KSR2: variants seen among roughly 807,000 people sequenced by gnomAD.
KSR2 encodes the protein kinase suppressor of ras 2.
Under a neutral mutation model 107.8 loss-of-function variants are expected in KSR2, and 25 were observed. The ratio of observed to expected loss-of-function variants is 0.23; its 90% CI spans 0.17 to 0.32. The LOEUF (loss-of-function observed/expected upper bound fraction) is 0.32, where lower values mean the gene tolerates loss of function less well. Ranked by LOEUF, KSR2 falls within the 10% of genes least tolerant of loss-of-function variation. The pLI, the probability that KSR2 is intolerant of heterozygous loss-of-function variation, is 1.00. For missense variants in KSR2, 887 were observed against 1,268.9 expected (o/e 0.70, Z 4.57); for synonymous variants, 480 against 507.0 (o/e 0.95, Z 0.71).
At chr12:117,789,051 G>A (rs956392712) in intron 3 of KSR2, among the ~76,000 whole-genome samples, 1 of 152,198 alleles carries the variant, frequency 6.6e-6, no homozygotes, top group Non-Finnish European at 1.5e-5. Flanking sequence ...AGTTCTCAGG[G>A]GTTGCTGTTG....
chr12:117,850,874 T>C (rs567594293), intron 3 of KSR2, among the ~76,000 whole-genome samples: 2 of 151,946 alleles, frequency 1.3e-5, no homozygotes, highest in African/African-American at 2.4e-5. Context: ...TTCCTGGGAA[T>C]TGAATAGTGA....
In KSR2 at chr12:117,469,538, G is replaced by A. The variant is rs1871315159; in HGVS notation, c.2846+124C>T. 20 of 1,170,128 alleles carry A rather than the reference G, an allele frequency of 1.7e-5. 1 individual carries two copies. The South Asian group carries it at 2.7e-4, about 16-fold the overall frequency. 72.5% of individuals were successfully genotyped at this position (1,170,128 alleles called of 1,614,324 possible). On this transcript the variant is annotated intron_variant, in intron 19 of 19. Coordinates refer to ENST00000339824, the MANE Select transcript of KSR2 (RefSeq NM_173598.6). The stretch of plus-strand genomic sequence containing the variant: ...AACCTAGTAGGGAAGAGTGGTTGCC[G>A]AAGGGTGGGCACATGGATAGGAGCT...
chr12:117,784,876 T>C (rs1416386894), intron 3 of KSR2, among the ~76,000 whole-genome samples: 4 of 152,108 alleles, frequency 2.6e-5, no homozygotes, highest in African/African-American at 7.2e-5. Flanking sequence ...CTAAGAAGCA[T>C]GGCAAAGGCT....
At chr12:117,527,174 T>C (rs1875231470) in intron 12 of KSR2, 55 bp from the exon 13 acceptor site, 2 of 1,338,002 alleles carry the variant, frequency 1.5e-6, no homozygotes, top group East Asian at 2.3e-5. Flanking sequence ...GGTCTATATA[T>C]TGAGTTTAGC....
intron 14 of KSR2, among the ~76,000 whole-genome samples, chr12:117,488,053 A>C (rs1002449382): frequency 6.6e-5 from 10 of 152,142 alleles, no homozygotes; most frequent in African/African-American, 2.4e-4. Context: ...CTGGTATTGA[A>C]TAAGTCTCAT....
intron 5 of KSR2, among the ~76,000 whole-genome samples, chr12:117,652,305 T>C (rs1883938016): frequency 6.6e-6 from 1 of 152,088 alleles, no homozygotes; most frequent in African/African-American, 2.4e-5. Context: ...CAATAACTTA[T>C]GGAAAAAATA....
intron 4 of KSR2, among the ~76,000 whole-genome samples, chr12:117,749,847 G>A (rs1888547759): frequency 6.6e-6 from 1 of 152,172 alleles, no homozygotes; most frequent in Non-Finnish European, 1.5e-5. Flanking sequence ...CTGGGGCAGG[G>A]TCTTTAAGAG....
chr12:117,507,539 C>T (rs989963527), intron 14 of KSR2, among the ~76,000 whole-genome samples: 2 of 152,150 alleles, frequency 1.3e-5, no homozygotes, highest in African/African-American at 4.8e-5. Flanking sequence ...CCTTAGAGAC[C>T]ATTTTGAGAT....
chr12:117,608,554 T>TGAGGA (rs1439108927), intron 5 of KSR2, among the ~76,000 whole-genome samples: 1 of 152,160 alleles, frequency 6.6e-6, no homozygotes, highest in African/African-American at 2.4e-5. Context: ...CATCGGCACC[T>TGAGGA]GAGGCACAGT....
intron 5 of KSR2, among the ~76,000 whole-genome samples, chr12:117,624,146 T>C (rs924902355): frequency 1.3e-4 from 20 of 152,208 alleles, no homozygotes; most frequent in Non-Finnish European, 2.8e-4. Flanking sequence ...GATGGGTAGA[T>C]TGCAAAAATT....
chr12:117,699,305 A>G (rs1408161756), intron 4 of KSR2, among the ~76,000 whole-genome samples: 3 of 152,226 alleles, frequency 2.0e-5, no homozygotes, highest in Non-Finnish European at 4.4e-5. Context: ...TTTACTGAGT[A>G]TTATCCATGC....
chr12:117,731,582 T>A (rs957112728), intron 4 of KSR2, among the ~76,000 whole-genome samples: 1 of 152,174 alleles, frequency 6.6e-6, no homozygotes. Flanking sequence ...ATGGCGGTTT[T>A]GTCGAATAGA....
chr12:117,767,876 C>T (rs993620270), intron 3 of KSR2, among the ~76,000 whole-genome samples: 3 of 151,682 alleles, frequency 2.0e-5, no homozygotes, highest in African/African-American at 7.3e-5. Context: ...CGGAAGGGGA[C>T]GCTGAGAACT....
intron 3 of KSR2, among the ~76,000 whole-genome samples, chr12:117,798,718 A>T (rs868014230): frequency 0.082 from 8,875 of 108,454 alleles, 566 homozygotes; most frequent in East Asian, 0.26. Flanking sequence ...CCAAAAAAAA[A>T]AAATATATAT....
At chr12:117,825,873 G>A (rs760589021) in intron 3 of KSR2, among the ~76,000 whole-genome samples, 10 of 149,264 alleles carry the variant, frequency 6.7e-5, no homozygotes, top group East Asian at 2.0e-4. Context: ...GTTGATGGAC[G>A]GACAGATGCA....
intron 2 of KSR2, among the ~76,000 whole-genome samples, 175 bp downstream of exon 2, chr12:117,860,116 C>T (rs967639268): frequency 6.6e-6 from 1 of 152,202 alleles, no homozygotes; most frequent in Non-Finnish European, 1.5e-5. Context: ...TCTCAATGAC[C>T]CCATTCAGAC....
chr12:117,508,280 G>A (rs1332685147), intron 14 of KSR2, among the ~76,000 whole-genome samples: 3 of 152,162 alleles, frequency 2.0e-5, no homozygotes, highest in Admixed American at 2.0e-4. Flanking sequence ...CCATGCTACT[G>A]GCCATCATGT....
chr12:117,715,009 C>T (rs901111243), intron 4 of KSR2, among the ~76,000 whole-genome samples: 2 of 152,016 alleles, frequency 1.3e-5, no homozygotes, highest in African/African-American at 4.8e-5. Context: ...ATATTTTTTT[C>T]AGAGCCCCAG....
intron 3 of KSR2, among the ~76,000 whole-genome samples, chr12:117,844,677 A>C (rs752880532): frequency 2.6e-5 from 4 of 152,044 alleles, no homozygotes; most frequent in Non-Finnish European, 4.4e-5. Flanking sequence ...ATAAGTACAC[A>C]CACCCAAGGA....
Sources: allele counts gnomAD v4.1 joint callset (sites outside exome capture counted in the v4.1 genomes callset), GRCh38; gene constraint gnomAD v4.1.1; transcripts MANE v1.5; gene names NCBI Gene and HGNC (gene_info 2026-07-23, HGNC 2026-07-21).